PIK3C2G: variants seen among roughly 807,000 people sequenced by gnomAD.
The protein encoded by PIK3C2G is phosphatidylinositol 3-kinase C2 domain-containing subunit gamma.
PIK3C2G carries 168 observed loss-of-function variants against 181.1 expected under a neutral mutation model. The ratio of observed to expected loss-of-function variants is 0.93; its 90% confidence interval spans 0.82 to 1.05. The LOEUF (loss-of-function observed/expected upper bound fraction) is 1.05. Among genes scored for constraint, PIK3C2G ranks in the 50% least tolerant of loss-of-function variants. The pLI, the probability that PIK3C2G is intolerant of heterozygous loss-of-function variation, is 0.00. For synonymous variants in PIK3C2G, 573 were observed against 592.2 expected (o/e 0.97, Z 0.47); for missense variants, 1,869 against 1,732.8 (o/e 1.08, Z -1.40).
At chr12:18,283,221 A>G (rs775889496) in intron 2 of PIK3C2G, among the ~76,000 whole-genome samples, 1 of 152,134 alleles carries the variant, frequency 6.6e-6, no homozygotes, top group Non-Finnish European at 1.5e-5. Context: ...CCTAATTTAT[A>G]CGATTGGCAG....
At chr12:18,549,723 T>C (rs571796275) in intron 26 of PIK3C2G, among the ~76,000 whole-genome samples, 37 of 152,132 alleles carry the variant, frequency 2.4e-4, no homozygotes, top group African/African-American at 8.9e-4. Flanking sequence ...TTATCCGGAA[T>C]ACCTCAAGCA....
intron 11 of PIK3C2G, among the ~76,000 whole-genome samples, chr12:18,356,351 C>T (rs1436758104): frequency 6.6e-6 from 1 of 152,134 alleles, no homozygotes; most frequent in Non-Finnish European, 1.5e-5. Flanking sequence ...CAGCCCCTCA[C>T]AGGAGGGGGA....
intron 11 of PIK3C2G, among the ~76,000 whole-genome samples, chr12:18,350,254 AT>A (rs1220963757): frequency 6.6e-5 from 10 of 152,230 alleles, no homozygotes; most frequent in African/African-American, 2.4e-4. Flanking sequence ...GTTCAGCAGA[AT>A]CATATTGTTA....
At chr12:18,483,459 C>T (rs534427374) in intron 18 of PIK3C2G, among the ~76,000 whole-genome samples, 1 of 152,180 alleles carries the variant, frequency 6.6e-6, no homozygotes, top group South Asian at 2.1e-4. Flanking sequence ...AGCAGTGGCA[C>T]AGAATATACA....
At chr12:18,622,546 G>C (rs984950368) in intron 31 of PIK3C2G, among the ~76,000 whole-genome samples, 1 of 151,762 alleles carries the variant, frequency 6.6e-6, no homozygotes, top group South Asian at 2.1e-4. Context: ...TCAACATACC[G>C]GTTTCAAATA....
intron 31 of PIK3C2G, among the ~76,000 whole-genome samples, chr12:18,630,032 C>T (rs1351153170): frequency 1.3e-5 from 2 of 152,084 alleles, no homozygotes; most frequent in African/African-American, 2.4e-5. Context: ...AGTATCCACC[C>T]TCTACCAAGC....
intron 8 of PIK3C2G, among the ~76,000 whole-genome samples, chr12:18,334,405 A>G (rs778128758): frequency 6.6e-6 from 1 of 152,126 alleles, no homozygotes; most frequent in Non-Finnish European, 1.5e-5. Context: ...TACCTGAAAG[A>G]CCATCAAATA....
At chr12:18,261,176 A>C (rs887820659), upstream of PIK3C2G, among the ~76,000 whole-genome samples, 24 of 151,870 alleles carry the variant, frequency 1.6e-4, no homozygotes, top group Admixed American at 1.1e-3. Flanking sequence ...ACATCCAACC[A>C]CCTCCACGTT....
chr12:18,638,114 C>T (rs896962829), intron 31 of PIK3C2G, among the ~76,000 whole-genome samples: 1 of 152,168 alleles, frequency 6.6e-6, no homozygotes, highest in African/African-American at 2.4e-5. Context: ...GTGTAGCACA[C>T]ATCTTCATGG....
chr12:18,558,245 G>GA (rs1021385159), intron 26 of PIK3C2G, among the ~76,000 whole-genome samples: 20 of 151,892 alleles, frequency 1.3e-4, no homozygotes, highest in Admixed American at 1.2e-3. Context: ...AAACAGTAAA[G>GA]AAAAAAATGT....
At chr12:18,446,709 T>C (rs1947050329) in intron 18 of PIK3C2G, among the ~76,000 whole-genome samples, 1 of 152,204 alleles carries the variant, frequency 6.6e-6, no homozygotes, top group South Asian at 2.1e-4. Flanking sequence ...GAATATTTAA[T>C]CATTGGCATG....
intron 31 of PIK3C2G, among the ~76,000 whole-genome samples, chr12:18,623,723 T>C (rs1246506298): frequency 1.3e-5 from 2 of 151,770 alleles, no homozygotes; most frequent in African/African-American, 4.8e-5. Flanking sequence ...TTTCCATTAA[T>C]GTTTTATATT....
At chr12:18,610,552 G>A (rs904850817) in intron 31 of PIK3C2G, among the ~76,000 whole-genome samples, 4 of 152,006 alleles carry the variant, frequency 2.6e-5, no homozygotes, top group Non-Finnish European at 4.4e-5. Flanking sequence ...CAAACCTCTG[G>A]TGCTCACTAT....
At chr12:18,547,953 G>A (rs1015615546) in intron 26 of PIK3C2G, among the ~76,000 whole-genome samples, 2 of 151,914 alleles carry the variant, frequency 1.3e-5, no homozygotes, top group African/African-American at 4.8e-5. Flanking sequence ...CCCAGGGAAA[G>A]CCTCAGGAAG....
intron 11 of PIK3C2G, among the ~76,000 whole-genome samples, chr12:18,356,521 G>C (rs1297169575): frequency 6.6e-6 from 1 of 152,100 alleles, no homozygotes. Context: ...GCCATCCACG[G>C]ACAGCTTAAG....
chr12:18,474,865 C>CT (rs1211698461), intron 18 of PIK3C2G, among the ~76,000 whole-genome samples: 1 of 151,948 alleles, frequency 6.6e-6, no homozygotes, highest in Non-Finnish European at 1.5e-5. Context: ...ACTATTTGTC[C>CT]TTTTTTCCGA....
At chr12:18,665,171 A>T in the PIK3C2G span, among the ~76,000 whole-genome samples, 12,030 of 151,438 alleles carry the variant, frequency 0.079, 565 homozygotes, top group Non-Finnish European at 0.1. Context: ...AATAAAAAAT[A>T]AAAAAAAATT....
chr12:18,363,863 C>T (rs922883627), intron 12 of PIK3C2G, among the ~76,000 whole-genome samples: 2 of 152,160 alleles, frequency 1.3e-5, no homozygotes, highest in Non-Finnish European at 2.9e-5. Context: ...CTCATGGCCC[C>T]TCCCATTCCA....
intron 12 of PIK3C2G, 40 bp from the exon 13 acceptor site, chr12:18,371,140 C>T: frequency 2.0e-6 from 3 of 1,526,802 alleles, no homozygotes; most frequent in Non-Finnish European, 1.8e-6. Context: ...AATATCAGTA[C>T]AATTGGGTAG....
Sources: gnomAD v4.1 joint callset for allele counts (sites outside exome capture counted in the v4.1 genomes callset) on GRCh38, gnomAD v4.1.1 for gene constraint, MANE v1.5 for transcripts, NCBI Gene and HGNC (gene_info 2026-07-23, HGNC 2026-07-21) for gene names.